IMMT: variants seen among roughly 807,000 people sequenced by gnomAD.
The protein encoded by IMMT is inner membrane mitochondrial protein.
Under a neutral mutation model 92.7 loss-of-function variants are expected in IMMT, and 40 were observed. The observed-to-expected ratio is 0.43, with a 90% CI of 0.34 to 0.56. The LOEUF (loss-of-function observed/expected upper bound fraction) is 0.56. IMMT is among the 20% of genes least tolerant of loss of function. The probability of loss-of-function intolerance (pLI) is 0.03; values close to 1 mark genes in which losing one functional copy is unlikely to be tolerated. For synonymous variants in IMMT, 322 were observed against 336.1 expected, an observed-to-expected ratio of 0.96 and a Z score of 0.46; for missense variants, 831 against 912.1, an observed-to-expected ratio of 0.91 and a Z score of 1.14.
intron 6 of IMMT, among the ~76,000 whole-genome samples, chr2:86,168,220 T>A (rs188292756): frequency 9.8e-5 from 15 of 152,362 alleles, no homozygotes; most frequent in African/African-American, 3.6e-4. Flanking sequence ...CATTTCTATA[T>A]GCTGTTTCGG....
intron 1 of IMMT, among the ~76,000 whole-genome samples, chr2:86,187,421 A>G (rs1034706845): frequency 6.6e-6 from 1 of 152,214 alleles, no homozygotes; most frequent in Admixed American, 6.5e-5. Flanking sequence ...GGCTGAATCT[A>G]ATATTTTATC....
At chr2:86,189,114 T>C (rs1462619221) in intron 1 of IMMT, among the ~76,000 whole-genome samples, 1 of 152,102 alleles carries the variant, frequency 6.6e-6, no homozygotes, top group Non-Finnish European at 1.5e-5. Flanking sequence ...ACCTATGACA[T>C]AGAAAGGACA....
chr2:86,150,978 A>G (rs888240708), intron 12 of IMMT, among the ~76,000 whole-genome samples: 1 of 150,760 alleles, frequency 6.6e-6, no homozygotes, highest in African/African-American at 2.4e-5. Flanking sequence ...ATGCAGTGGC[A>G]CGATCTTAGC....
intron 12 of IMMT, among the ~76,000 whole-genome samples, chr2:86,148,072 AC>A (rs1675168812): frequency 6.6e-6 from 1 of 152,046 alleles, no homozygotes; most frequent in Non-Finnish European, 1.5e-5. Flanking sequence ...GGTCTCTCTC[AC>A]CCCCAAACTT....
At position 86,195,459 on chromosome 2, in the gene IMMT, G is replaced by C; in HGVS notation, c.-77C>G. On this transcript the variant is annotated 5_prime_UTR_variant, in exon 1 of 15. Coordinates refer to ENST00000410111, the MANE Select transcript of IMMT (RefSeq NM_006839.3). ...GAGTTAAGTGGAGGCGTGCTTGCGT[G>C]TGTGCGTGCCCGCGTCCGCGCCCGG... 2 of 1,472,264 alleles carry C rather than the reference G, an allele frequency of 1.4e-6. No homozygotes were observed. Among genetic ancestry groups the C allele is most frequent in the Non-Finnish European group, 1.8e-6 (2 of 1,094,088 alleles). The allele number at this position is 1,472,264 out of a possible 1,614,324, so 91.2% of individuals were successfully genotyped here. A position where few individuals can be genotyped will look rare whatever the true frequency, so the allele number is the denominator to read the frequency against.
At chr2:86,168,264 G>C (rs887336681) in intron 6 of IMMT, among the ~76,000 whole-genome samples, 2 of 152,162 alleles carry the variant, frequency 1.3e-5, no homozygotes, top group Non-Finnish European at 2.9e-5. Context: ...GACAATTTTA[G>C]ATAATTTACT....
rs372081629 is a variant in IMMT, at chr2:86,144,658, C to T, written c.1887G>A (p.Glu629=). 2.0e-5 allele frequency: 33 copies of T among 1,613,820 alleles called. No homozygotes were observed. Among genetic ancestry groups the T allele is most frequent in the African/African-American group, 4.0e-5 (3 of 74,880 alleles). The change falls in exon 15 of 15, where the codon GAG becomes GAA. Residue 629 remains glutamate (E), a synonymous_variant. Coordinates refer to ENST00000410111, the MANE Select transcript of IMMT (RefSeq NM_006839.3). The part of the protein sequence containing the change: ...ESLTRGVYSE[E]TLRARFYAVQ... ...CAGCATAGAAACGGGCTCTAAGGGTCTCTTCACTGTACACCCCACGGGTCA... is the reference window on the plus strand; with the variant it reads ...CAGCATAGAAACGGGCTCTAAGGGTTTCTTCACTGTACACCCCACGGGTCA...
chr2:86,171,959 A>ATTTTTTT (rs869190735), intron 4 of IMMT, among the ~76,000 whole-genome samples: 4 of 40,156 alleles, frequency 1.0e-4, no homozygotes, highest in Non-Finnish European at 2.4e-4. Flanking sequence ...TGTGTAGTAT[A>ATTTTTTT]TTTTTTTTTT....
intron 3 of IMMT, 30 bp from the exon 4 acceptor site, chr2:86,173,791 G>T (rs777890332): frequency 1.7e-6 from 2 of 1,166,948 alleles, no homozygotes; most frequent in East Asian, 2.4e-5. Context: ...TAACATTTCA[G>T]ATATACTACT....
chr2:86,170,806 C>T lies in IMMT; in HGVS notation c.598G>A (p.Glu200Lys). 1 of 1,589,774 alleles carries T rather than the reference C, an allele frequency of 6.3e-7. No individual in the cohort carries two copies. The highest frequency in any genetic ancestry group is 8.6e-7 in the Non-Finnish European group (1 of 1,166,550). ...TGTGCAAGGCGAGCTGCAACTTCTTCAGGTGGTCGCTCCCTTATAGAAGAT... is the reference window on the plus strand; with the variant it reads ...TGTGCAAGGCGAGCTGCAACTTCTTTAGGTGGTCGCTCCCTTATAGAAGAT... ...SSSSIRERPPEEVAARLAQQE... is the reference protein window; with the variant it reads ...SSSSIRERPPKEVAARLAQQE... The change falls in exon 6 of 15, where the codon GAA becomes AAA. Residue 200 changes from glutamate to lysine, a missense_variant. Physicochemically the swap from Glu to Lys is moderately conservative, Grantham distance 56. Coordinates refer to ENST00000410111, the MANE Select transcript of IMMT (RefSeq NM_006839.3).
In IMMT at chr2:86,158,647, A is replaced by G; in HGVS notation, c.1107T>C (p.Phe369=). 6.2e-7 allele frequency: 1 copy of G among 1,606,284 alleles called. No individual in the cohort carries two copies. The highest frequency in any genetic ancestry group is 2.2e-5 in the East Asian group (1 of 44,762). The part of the protein sequence containing the change: ...HELVVQARDD[F]KRELDSITPE... ...GAGTAATACTGTCCAGCTCTCGTTT[A>G]AAGTCATCCCGAGCTTGGACCACCA... The change falls in exon 10 of 15, where the codon TTT becomes TTC. Residue 369 remains phenylalanine, a synonymous_variant. Transcript: ENST00000410111.
chr2:86,149,310 A>G (rs1675283834), intron 12 of IMMT, among the ~76,000 whole-genome samples: 1 of 152,356 alleles, frequency 6.6e-6, no homozygotes, highest in East Asian at 1.9e-4. Context: ...CAAAAGATAT[A>G]GTCAAGGTAC....
intron 6 of IMMT, among the ~76,000 whole-genome samples, 160 bp downstream of exon 6, chr2:86,170,589 T>C (rs976630689): frequency 2.0e-5 from 3 of 152,158 alleles, no homozygotes; most frequent in Non-Finnish European, 4.4e-5. Context: ...GAAGTTTAGA[T>C]GAAATGAAGG....
At chr2:86,153,304 T>C (rs1467657916) in intron 11 of IMMT, among the ~76,000 whole-genome samples, 1 of 143,840 alleles carries the variant, frequency 7.0e-6, no homozygotes. Flanking sequence ...CAATCCATAT[T>C]ACACACACAC....
chr2:86,168,635 TTAAA>T (rs751225462), intron 6 of IMMT, among the ~76,000 whole-genome samples: 1 of 151,554 alleles, frequency 6.6e-6, no homozygotes, highest in East Asian at 1.9e-4. Flanking sequence ...AACAAATTAA[TTAAA>T]TAAATGATAT....
At chr2:86,172,064 C>G (rs976592133) in intron 4 of IMMT, among the ~76,000 whole-genome samples, 3 of 148,584 alleles carry the variant, frequency 2.0e-5, no homozygotes, top group Admixed American at 6.8e-5. Flanking sequence ...CTCCCAGGAA[C>G]AAGCAATACT....
chr2:86,165,304 C>CTAT (rs2105058403), intron 7 of IMMT, among the ~76,000 whole-genome samples: 1 of 152,300 alleles, frequency 6.6e-6, no homozygotes, highest in Non-Finnish European at 1.5e-5. Flanking sequence ...TCTAGCCTTC[C>CTAT]CATATCGGTA....
chr2:86,187,805 G>A (rs974564513), intron 1 of IMMT, among the ~76,000 whole-genome samples: 1 of 151,774 alleles, frequency 6.6e-6, no homozygotes, highest in East Asian at 2.0e-4. Flanking sequence ...CCAGCTACTC[G>A]GGAGGCTGAA....
intron 10 of IMMT, 76 bp from the exon 11 acceptor site, chr2:86,153,650 T>A: frequency 3.2e-6 from 3 of 924,938 alleles, no homozygotes; most frequent in South Asian, 1.8e-5. Context: ...AACAGAAATA[T>A]CTAAAAGGAA....
Sources: allele counts gnomAD v4.1 joint callset (sites outside exome capture counted in the v4.1 genomes callset), GRCh38; gene constraint gnomAD v4.1.1; transcripts MANE v1.5; gene names NCBI Gene and HGNC (gene_info 2026-07-23, HGNC 2026-07-21).